PCDHA1: variants seen among roughly 807,000 people sequenced by gnomAD.
PCDHA1 encodes the protein protocadherin alpha 1.
A neutral mutation model predicts 61.3 loss-of-function variants in PCDHA1; 42 were observed. The ratio of observed to expected loss-of-function variants is 0.69; its 90% CI spans 0.54 to 0.89. PCDHA1 has a LOEUF of 0.89. PCDHA1 is among the 40% of genes least tolerant of loss of function. PCDHA1 has a pLI of 0.00. For missense variants in PCDHA1, 1,256 were observed against 1,235.3 expected (o/e 1.02, Z -0.25); for synonymous variants, 610 against 553.8 (o/e 1.10, Z -1.43).
intron 1 of PCDHA1, among the ~76,000 whole-genome samples, chr5:140,959,052 A>C (rs992294371): frequency 3.3e-5 from 5 of 152,078 alleles, no homozygotes; most frequent in Admixed American, 6.6e-5. Context: ...ATAGGAAAAA[A>C]TGCAGTATAT....
intron 1 of PCDHA1, among the ~76,000 whole-genome samples, chr5:140,960,767 G>A (rs1160174091): frequency 1.3e-5 from 2 of 152,036 alleles, no homozygotes; most frequent in Admixed American, 6.6e-5. Context: ...GAGTTACAGA[G>A]GAGAAATAGG....
At position 140,847,428 on chromosome 5, in the gene PCDHA1, C is replaced by T. The variant is rs1464927725; in HGVS notation, c.2394+58744C>T. ...AAACACTCACGGTTTTGCCTTTAGA[C>T]TTGAGATACACTAAAATCTAGATTT... On this transcript the variant is annotated intron_variant, in intron 1 of 3. Coordinates refer to ENST00000504120, the MANE Select transcript of PCDHA1 (RefSeq NM_018900.4). 2.7e-5 allele frequency: 4 copies of T among 149,590 alleles called. 2 individuals are homozygous for T. Among genetic ancestry groups the T allele is most frequent in the Non-Finnish European group, 6.0e-5 (4 of 66,914 alleles). The allele number at this position is 149,590 out of a possible 1,614,324, so 9.3% of individuals were successfully genotyped here.
intron 1 of PCDHA1, chr5:140,821,828 T>A: frequency 6.2e-7 from 1 of 1,614,176 alleles, no homozygotes; most frequent in African/African-American, 1.3e-5. Flanking sequence ...CTGCTCTGGC[T>A]TCTCCTTGCC....
chr5:140,797,439 G>T (rs1562167596), intron 1 of PCDHA1: 5 of 1,380,916 alleles, frequency 3.6e-6, no homozygotes, highest in South Asian at 1.3e-5. Flanking sequence ...TAGATTCATA[G>T]TTCTTCATTT....
intron 1 of PCDHA1, chr5:140,882,849 T>A: frequency 1.2e-6 from 2 of 1,614,242 alleles, no homozygotes; most frequent in Non-Finnish European, 1.7e-6. Flanking sequence ...TCATTATCAC[T>A]TGTACTGAGG....
intron 3 of PCDHA1, among the ~76,000 whole-genome samples, chr5:140,998,727 G>T (rs2097831761): frequency 6.6e-6 from 1 of 152,076 alleles, no homozygotes; most frequent in African/African-American, 2.4e-5. Flanking sequence ...ACCACGCTAG[G>T]CTAATTTTGT....
intron 1 of PCDHA1, chr5:140,824,242 G>A: frequency 1.3e-6 from 2 of 1,484,524 alleles, no homozygotes; most frequent in East Asian, 2.3e-5. Flanking sequence ...AAATATTGTG[G>A]TACACAATTA....
chr5:140,809,585 C>T, intron 1 of PCDHA1: 1 of 1,544,650 alleles, frequency 6.5e-7, no homozygotes, highest in Non-Finnish European at 8.7e-7. Context: ...TAGTGTATAA[C>T]ATCCTTTTGT....
intron 1 of PCDHA1, chr5:140,928,375 T>C: frequency 6.2e-7 from 1 of 1,614,184 alleles, no homozygotes. Context: ...GCCATCAGCC[T>C]CTAGCTTGCT....
intron 1 of PCDHA1, chr5:140,825,426 T>A (rs1234497621): frequency 6.8e-6 from 1 of 147,558 alleles, no homozygotes; most frequent in African/African-American, 2.5e-5. Context: ...ATATATATAA[T>A]AAATATATAA....
intron 1 of PCDHA1, among the ~76,000 whole-genome samples, chr5:140,898,780 C>A (rs1424563314): frequency 3.9e-5 from 6 of 152,106 alleles, no homozygotes; most frequent in African/African-American, 1.2e-4. Flanking sequence ...TTACCTTGGG[C>A]AGTATGGCCA....
At chr5:140,887,254 G>A (rs924715341) in intron 1 of PCDHA1, among the ~76,000 whole-genome samples, 4 of 151,790 alleles carry the variant, frequency 2.6e-5, no homozygotes, top group Admixed American at 2.0e-4. Context: ...CCGCCACCAC[G>A]CCCTGCTAAT....
At chr5:140,826,005 A>T (rs1231203502) in intron 1 of PCDHA1, among the ~76,000 whole-genome samples, 1 of 152,152 alleles carries the variant, frequency 6.6e-6, no homozygotes, top group African/African-American at 2.4e-5. Context: ...AATAGTCCAC[A>T]CTTTACATGA....
chr5:140,787,272 C>T lies in PCDHA1; in HGVS notation c.982C>T (p.Pro328Ser). ...IQVKAVDKGS[P>S]PMSNHCKVLV... ...AGTAAAGGCAGTTGATAAAGGAAGT[C>T]CTCCGATGTCAAATCACTGTAAGGT... Residue 328 changes from proline to serine, a missense_variant, in exon 1 of 4, where the codon CCT becomes TCT. Physicochemically the swap from Pro to Ser is moderately conservative, Grantham distance 74. Transcript: ENST00000504120. 1 of 1,614,170 alleles carries T rather than the reference C, an allele frequency of 6.2e-7. No homozygotes were observed. Among genetic ancestry groups the T allele is most frequent in the Non-Finnish European group, 8.5e-7 (1 of 1,180,024 alleles).
At chr5:140,842,362 C>T (rs2150334597) in intron 1 of PCDHA1, 4 of 1,607,598 alleles carry the variant, frequency 2.5e-6, no homozygotes, top group Middle Eastern at 1.7e-4. Flanking sequence ...ATGATAACGT[C>T]CCTGAGATAG....
At chr5:140,834,367 C>G in intron 1 of PCDHA1, 1 of 1,554,312 alleles carries the variant, frequency 6.4e-7, no homozygotes, top group East Asian at 2.3e-5. Context: ...ACTAGAAAAA[C>G]AAGCCAATAA....
chr5:140,879,227 T>C (rs1474080938), intron 1 of PCDHA1, among the ~76,000 whole-genome samples: 5 of 152,126 alleles, frequency 3.3e-5, no homozygotes, highest in Admixed American at 6.5e-5. Flanking sequence ...GAAAAAGACA[T>C]ATACAAGAGG....
At position 140,805,335 on chromosome 5, in the gene PCDHA1, GA is replaced by G. The variant is rs1157581850; in HGVS notation, c.2394+16652del. 6.5e-6 allele frequency: 8 copies of G among 1,231,042 alleles called. No homozygotes were observed. In the African/African-American group the frequency reaches 1.1e-4, roughly 17 times the overall value. 76.3% of individuals were successfully genotyped at this position (1,231,042 alleles called of 1,614,324 possible). Reference sequence around the variant, plus strand: ...TTTTTCCAATGTGCTTGATGTCAATGATCATTTTGTAAAAATATAGTTTGGG... The same window carrying G: ...TTTTTCCAATGTGCTTGATGTCAATGTCATTTTGTAAAAATATAGTTTGGG... On this transcript the variant is annotated intron_variant, in intron 1 of 3. Coordinates refer to ENST00000504120, the MANE Select transcript of PCDHA1 (RefSeq NM_018900.4).
chr5:140,852,737 C>T (rs980998080), intron 1 of PCDHA1: 2 of 983,692 alleles, frequency 2.0e-6, no homozygotes, highest in Non-Finnish European at 1.2e-6. Flanking sequence ...GTTTCATGTG[C>T]CATTTAAACT....
Sources: allele counts gnomAD v4.1 joint callset (sites outside exome capture counted in the v4.1 genomes callset), GRCh38; gene constraint gnomAD v4.1.1; transcripts MANE v1.5; gene names NCBI Gene and HGNC (gene_info 2026-07-23, HGNC 2026-07-21).